Variants in GLIS3 observed in about 807,000 individuals in gnomAD.
GLIS3 encodes zinc finger protein GLIS3.
In GLIS3, 53 loss-of-function variants were observed where a neutral mutation model predicts 78.6. That is an observed-to-expected ratio of 0.67 (90% CI 0.54 to 0.85). GLIS3 has a LOEUF of 0.85. Among genes scored for constraint, GLIS3 ranks in the 40% least tolerant of loss-of-function variants. The probability of loss-of-function intolerance (pLI) is 0.00; values close to 1 mark genes in which losing one functional copy is unlikely to be tolerated. For synonymous variants in GLIS3, 684 were observed against 509.9 expected, an observed-to-expected ratio of 1.34 and a Z score of -4.60; for missense variants, 1,703 against 1,231.1, an observed-to-expected ratio of 1.38 and a Z score of -5.74.
At chr9:4,189,993 C>T (rs200579651) in intron 2 of GLIS3, among the ~76,000 whole-genome samples, 5 of 152,012 alleles carry the variant, frequency 3.3e-5, no homozygotes, top group East Asian at 3.9e-4. Context: ...GAAGGAAAAC[C>T]AACAAACAGA....
At chr9:4,302,401 A>G (rs1047131364), upstream of GLIS3, among the ~76,000 whole-genome samples, 13 of 152,220 alleles carry the variant, frequency 8.5e-5, no homozygotes, top group African/African-American at 2.9e-4. Flanking sequence ...GTTCTCATTC[A>G]TCAGAGAAAT....
chr9:4,470,524 T>G, the GLIS3 span, among the ~76,000 whole-genome samples: 9 of 152,224 alleles, frequency 5.9e-5, no homozygotes, highest in Non-Finnish European at 1.2e-4. Flanking sequence ...TCTCAATAGA[T>G]GCAGAAAAGG....
the GLIS3 span, among the ~76,000 whole-genome samples, chr9:4,393,524 T>C: frequency 6.6e-6 from 1 of 152,210 alleles, no homozygotes; most frequent in African/African-American, 2.4e-5. Flanking sequence ...CAGCCCAAGA[T>C]CTAATCCCGT....
intron 4 of GLIS3, among the ~76,000 whole-genome samples, chr9:4,004,982 T>C (rs934740906): frequency 6.6e-6 from 1 of 152,212 alleles, no homozygotes; most frequent in African/African-American, 2.4e-5. Flanking sequence ...AGGATTAAAT[T>C]CTACAGCTCC....
At chr9:3,970,323 T>C (rs770579828) in intron 4 of GLIS3, among the ~76,000 whole-genome samples, 1 of 152,216 alleles carries the variant, frequency 6.6e-6, no homozygotes, top group Non-Finnish European at 1.5e-5. Context: ...AGCAATGTAA[T>C]ATTACAGTCC....
At chr9:3,883,249 ATCTT>A (rs143667443) in intron 7 of GLIS3, among the ~76,000 whole-genome samples, 5 of 152,190 alleles carry the variant, frequency 3.3e-5, no homozygotes, top group Non-Finnish European at 7.3e-5. Flanking sequence ...CCAGAATTCA[ATCTT>A]TATTAATTAC....
intron 2 of GLIS3, among the ~76,000 whole-genome samples, chr9:4,190,604 C>T (rs1586926772): frequency 6.6e-6 from 1 of 151,116 alleles, no homozygotes; most frequent in Non-Finnish European, 1.5e-5. Flanking sequence ...TTGGAAAACA[C>T]TCTGCAGGAT....
At position 4,299,893 on chromosome 9, in the gene GLIS3, G is replaced by C. The variant is rs1043245306; in HGVS notation, c.-571C>G. 2 of 152,138 alleles carry C rather than the reference G, an allele frequency of 1.3e-5. No homozygotes were observed. The highest frequency in any genetic ancestry group is 4.8e-5 in the African/African-American group (2 of 41,410). The allele number at this position is 152,138 out of a possible 1,614,324, so 9.4% of individuals were successfully genotyped here. A position where few individuals can be genotyped will look rare whatever the true frequency, so the allele number is the denominator to read the frequency against. ...CGTCGCCGGTGTGACCCTGGACGGC[G>C]CGGACGGCGTACAGGGGGTCCCGGG... is the stretch of plus-strand genomic sequence containing the variant. On this transcript the variant is annotated 5_prime_UTR_variant, in exon 1 of 11. Coordinates refer to ENST00000381971, the MANE Select transcript of GLIS3 (RefSeq NM_001042413.2).
Position 4,169,663 on chromosome 9 carries a change from G to A in GLIS3, c.389-43722C>T, listed in dbSNP as rs143034805. ...CTTGCATAAGAAAATGTGCATGTTT[G>A]TAGAAACTGTACATTAACGTATTTA... is the stretch of plus-strand genomic sequence containing the variant. On this transcript the variant is annotated intron_variant, in intron 2 of 10. Transcript: ENST00000381971. Among the ~76,000 whole-genome samples, 274 of 152,226 alleles carry A rather than the reference G, an allele frequency of 1.8e-3. 1 individual carries two copies. The highest frequency in any genetic ancestry group is 1.7e-3 in the Non-Finnish European group (116 of 68,022).
intron 4 of GLIS3, among the ~76,000 whole-genome samples, chr9:3,976,698 T>C (rs1176167645): frequency 6.7e-6 from 1 of 148,484 alleles, no homozygotes; most frequent in Non-Finnish European, 1.5e-5. Context: ...AAGCTTCAAA[T>C]AGGACACACC....
intron 2 of GLIS3, among the ~76,000 whole-genome samples, chr9:4,227,597 T>C (rs1821884749): frequency 6.6e-6 from 1 of 152,170 alleles, no homozygotes; most frequent in Admixed American, 6.5e-5. Context: ...GAAAAGCCAG[T>C]AACTGCAAGA....
In GLIS3 at chr9:3,845,615, A is replaced by G. The variant is rs551560587; in HGVS notation, c.2473+10394T>C. On this transcript the variant is annotated intron_variant, in intron 9 of 10. Coordinates refer to ENST00000381971, the MANE Select transcript of GLIS3 (RefSeq NM_001042413.2). ...TATGTAAGGACTGTGCTAAAAGCCCAGGAACCCAGGTTTGTTGATTTATAA... is the reference window on the plus strand; with the variant it reads ...TATGTAAGGACTGTGCTAAAAGCCCGGGAACCCAGGTTTGTTGATTTATAA... Among the ~76,000 whole-genome samples the G allele has an allele frequency of 1.6e-3, 244 of 152,328 alleles. 2 individuals carry two copies. Among genetic ancestry groups the G allele is most frequent in the South Asian group, 7.9e-3 (38 of 4,828 alleles).
chr9:4,231,338 T>G (rs571329762), intron 2 of GLIS3, among the ~76,000 whole-genome samples: 1 of 152,138 alleles, frequency 6.6e-6, no homozygotes, highest in Non-Finnish European at 1.5e-5. Flanking sequence ...TTACTTTACC[T>G]AAGAGGAAGC....
chr9:3,881,737 T>C (rs965350076), intron 7 of GLIS3, among the ~76,000 whole-genome samples: 2 of 152,236 alleles, frequency 1.3e-5, no homozygotes, highest in Admixed American at 6.5e-5. Flanking sequence ...TAAGTGTCTA[T>C]TACGTACTTG....
intron 2 of GLIS3, among the ~76,000 whole-genome samples, chr9:4,265,458 A>AC (rs1825909822): frequency 6.8e-6 from 1 of 146,300 alleles, no homozygotes; most frequent in Non-Finnish European, 1.5e-5. Context: ...ACTGGGATTC[A>AC]ATCTCACATC....
upstream of GLIS3, among the ~76,000 whole-genome samples, chr9:4,303,917 C>T: frequency 6.6e-6 from 1 of 152,228 alleles, no homozygotes; most frequent in South Asian, 2.1e-4. Context: ...TACTGGCCAA[C>T]TATATGTGAT....
intron 4 of GLIS3, among the ~76,000 whole-genome samples, chr9:4,082,480 C>A (rs1243996244): frequency 6.6e-6 from 1 of 152,138 alleles, no homozygotes; most frequent in Non-Finnish European, 1.5e-5. Context: ...CCATTTTGCT[C>A]AGGTCTTGAG....
At chr9:4,287,013 G>C (rs780723455) in intron 1 of GLIS3, among the ~76,000 whole-genome samples, 29 of 152,156 alleles carry the variant, frequency 1.9e-4, no homozygotes, top group Non-Finnish European at 3.7e-4. Context: ...CACTTTAAGA[G>C]CTATCTTGTC....
In GLIS3 at chr9:3,831,161, C is replaced by T. The variant is rs561519976; in HGVS notation, c.2474-1669G>A. On this transcript the variant is annotated intron_variant, in intron 9 of 10. Coordinates refer to ENST00000381971, the MANE Select transcript of GLIS3 (RefSeq NM_001042413.2). The stretch of plus-strand genomic sequence containing the variant: ...TAGAATCAAAAGAAAAATCCACATA[C>T]GGTTTGGAAGAAGATTAAATGCTTG... Among the ~76,000 whole-genome samples the T allele has an allele frequency of 4.0e-5, 6 of 148,468 alleles. No individual in the cohort carries two copies. In the South Asian group the frequency reaches 9.3e-4, roughly 23 times the overall value.
Sources: gnomAD v4.1 joint callset for allele counts (sites outside exome capture counted in the v4.1 genomes callset) on GRCh38, gnomAD v4.1.1 for gene constraint, MANE v1.5 for transcripts, NCBI Gene and HGNC (gene_info 2026-07-23, HGNC 2026-07-21) for gene names.